THEMIS: variants seen among roughly 807,000 people sequenced by gnomAD.
THEMIS encodes thymocyte selection associated.
THEMIS carries 37 observed loss-of-function variants against 52.6 expected under a neutral mutation model. That is an observed-to-expected ratio of 0.70 (90% confidence interval 0.54 to 0.93). The LOEUF (loss-of-function observed/expected upper bound fraction) is 0.93. Ranked by LOEUF, THEMIS falls within the 40% of genes least tolerant of loss-of-function variation. THEMIS has a pLI of 0.00. For synonymous variants in THEMIS, 292 were observed against 272.7 expected, an observed-to-expected ratio of 1.07 and a Z score of -0.70; for missense variants, 808 against 763.1, an observed-to-expected ratio of 1.06 and a Z score of -0.69.
intron 1 of THEMIS, among the ~76,000 whole-genome samples, chr6:127,908,828 A>G (rs923867527): frequency 6.6e-6 from 1 of 151,602 alleles, no homozygotes; most frequent in East Asian, 1.9e-4. Flanking sequence ...CACATTTGTT[A>G]TCTCTTATAA....
At chr6:127,703,430 A>G (rs78751310), downstream of THEMIS, among the ~76,000 whole-genome samples, 311 of 152,276 alleles carry the variant, frequency 2.0e-3, 1 homozygote, top group East Asian at 7.7e-3. Context: ...TAGCTTTAAT[A>G]AGGGTATGAA....
chr6:127,785,053 TACC>T (rs1776890025), intron 4 of THEMIS, among the ~76,000 whole-genome samples: 1 of 151,924 alleles, frequency 6.6e-6, no homozygotes, highest in Non-Finnish European at 1.5e-5. Context: ...CCTACCTACC[TACC>T]TACTTATCTA....
chr6:127,712,780 T>A (rs564789148), intron 5 of THEMIS, among the ~76,000 whole-genome samples: 2 of 152,070 alleles, frequency 1.3e-5, no homozygotes, highest in South Asian at 2.1e-4. Context: ...CAGAATTACA[T>A]CTTTTTAATA....
intron 4 of THEMIS, among the ~76,000 whole-genome samples, chr6:127,793,611 G>A (rs535787716): frequency 5.2e-4 from 79 of 152,170 alleles, no homozygotes; most frequent in African/African-American, 1.6e-3. Flanking sequence ...TCAAAATACC[G>A]CAGGCTCACT....
chr6:127,834,308 C>T (rs186658080), intron 2 of THEMIS, among the ~76,000 whole-genome samples: 22 of 151,682 alleles, frequency 1.5e-4, no homozygotes, highest in Admixed American at 9.2e-4. Context: ...TGGTGAGTCA[C>T]GCCTGTAATC....
At chr6:127,837,317 G>A (rs1170909346) in intron 2 of THEMIS, among the ~76,000 whole-genome samples, 1 of 151,984 alleles carries the variant, frequency 6.6e-6, no homozygotes, top group Admixed American at 6.6e-5. Flanking sequence ...CCCATGCCGG[G>A]GCTCATGAAA....
chr6:127,883,259 G>A (rs932916833), intron 1 of THEMIS, among the ~76,000 whole-genome samples: 2 of 151,830 alleles, frequency 1.3e-5, no homozygotes, highest in African/African-American at 4.8e-5. Context: ...CTTCAGTAGA[G>A]CAGAGCAATA....
intron 4 of THEMIS, among the ~76,000 whole-genome samples, chr6:127,810,502 C>G (rs1406575491): frequency 1.3e-5 from 2 of 152,046 alleles, no homozygotes; most frequent in African/African-American, 2.4e-5. Context: ...AAGAGTTCCC[C>G]CACTTCTGCT....
chr6:127,900,690 C>G (rs146792316), intron 1 of THEMIS, 152 bp downstream of exon 1: 1 of 657,074 alleles, frequency 1.5e-6, no homozygotes, highest in African/African-American at 1.8e-5. Context: ...TGGCTTTTGA[C>G]GATTCGTTGG....
chr6:127,907,337 A>ATTTTTTTTTTTTTTT lies in THEMIS; in HGVS notation c.-149-6271_-149-6257dup, dbSNP rs58472332. ...AATACCATTAGGGCATTAGGCTCGG[A>ATTTTTTTTTTTTTTT]TTTTTTTTTTTTTTTTTTTTTTTTT... On this transcript the variant is annotated intron_variant, in intron 1 of 6. Transcript: ENST00000368250. Among the ~76,000 whole-genome samples the ATTTTTTTTTTTTTTT allele has an allele frequency of 8.4e-3, 414 of 49,460 alleles. 97 individuals carry two copies. The highest frequency in any genetic ancestry group is 0.018 in the Middle Eastern group (1 of 56). The allele number at this position is 49,460 out of a possible 152,430, so 32.4% of individuals were successfully genotyped here. A position where few individuals can be genotyped will look rare whatever the true frequency, so the allele number is the denominator to read the frequency against.
chr6:127,706,310 T>G (rs1773796987), downstream of THEMIS, among the ~76,000 whole-genome samples: 1 of 152,144 alleles, frequency 6.6e-6, no homozygotes, highest in African/African-American at 2.4e-5. Context: ...CATCAAATTA[T>G]CACAACAACT....
In THEMIS at chr6:127,817,530, TC is replaced by T. The variant is rs527488568; in HGVS notation, c.710-3600del. ...AATATATGAGCAAAGTAAAATATTT[TC>T]ATCCAAGTTTTTTTAATAAAAAAGA... On this transcript the variant is annotated intron_variant, in intron 3 of 5. Coordinates refer to ENST00000368248, the MANE Select transcript of THEMIS (RefSeq NM_001010923.3). Among the ~76,000 whole-genome samples the T allele has an allele frequency of 9.4e-4, 143 of 152,292 alleles. No homozygotes were observed. In the Middle Eastern group the frequency reaches 0.01, roughly 11 times the overall value.
intron 4 of THEMIS, among the ~76,000 whole-genome samples, chr6:127,742,502 A>G (rs1775244068): frequency 6.6e-6 from 1 of 152,176 alleles, no homozygotes; most frequent in Admixed American, 6.5e-5. Context: ...AACAGCTAAA[A>G]TGTGGAAGCA....
At chr6:127,862,612 G>T (rs1342218364) in intron 1 of THEMIS, among the ~76,000 whole-genome samples, 1 of 151,276 alleles carries the variant, frequency 6.6e-6, no homozygotes, top group Non-Finnish European at 1.5e-5. Flanking sequence ...TAGAGACAGG[G>T]TTTCACCTTG....
chr6:127,814,585 G>T (rs1316608764), intron 3 of THEMIS, among the ~76,000 whole-genome samples: 1 of 152,150 alleles, frequency 6.6e-6, no homozygotes, highest in Admixed American at 6.5e-5. Context: ...CTCCACTGGT[G>T]TTATATTATA....
chr6:127,754,860 C>G (rs996564983), intron 4 of THEMIS, among the ~76,000 whole-genome samples: 8 of 151,628 alleles, frequency 5.3e-5, no homozygotes, highest in Admixed American at 5.2e-4. Flanking sequence ...AATAAACTGT[C>G]TATAAATTAT....
chr6:127,711,064 CTT>C lies in THEMIS; in HGVS notation c.1895-1050_1895-1049del, dbSNP rs973754468. On this transcript the variant is annotated intron_variant, in intron 5 of 5. Coordinates refer to ENST00000368248, the MANE Select transcript of THEMIS (RefSeq NM_001010923.3). ...CTCTCCCACTTTCCCTCACTTTCTT[CTT>C]TTTTTTCTTCCTGCTTCCTCTCTTC... Among the ~76,000 whole-genome samples the C allele has an allele frequency of 2.7e-5, 4 of 145,784 alleles. No individual in the cohort carries two copies. In the South Asian group the frequency reaches 8.7e-4, roughly 32 times the overall value.
At chr6:127,906,369 T>C (rs1369150309) in intron 1 of THEMIS, among the ~76,000 whole-genome samples, 2 of 151,810 alleles carry the variant, frequency 1.3e-5, no homozygotes, top group Non-Finnish European at 2.9e-5. Context: ...AAAGCAAAAT[T>C]GACCAAATGA....
At chr6:127,890,256 TC>T (rs1780763390) in intron 1 of THEMIS, among the ~76,000 whole-genome samples, 1 of 152,170 alleles carries the variant, frequency 6.6e-6, no homozygotes, top group Non-Finnish European at 1.5e-5. Context: ...ATCAGCATTT[TC>T]CAAAACAGTA....
Sources: allele counts gnomAD v4.1 joint callset (sites outside exome capture counted in the v4.1 genomes callset), GRCh38; gene constraint gnomAD v4.1.1; transcripts MANE v1.5; gene names NCBI Gene and HGNC (gene_info 2026-07-23, HGNC 2026-07-21).